TMOD3: variants seen among roughly 807,000 people sequenced by gnomAD.
The protein encoded by TMOD3 is tropomodulin-3.
A neutral mutation model predicts 39.2 loss-of-function variants in TMOD3; 20 were observed. That is an observed-to-expected ratio of 0.51 (90% CI 0.36 to 0.74). The LOEUF (loss-of-function observed/expected upper bound fraction) is 0.74, where lower values mean the gene tolerates loss of function less well. Among genes scored for constraint, TMOD3 ranks in the 30% least tolerant of loss-of-function variants. The pLI, the probability that TMOD3 is intolerant of heterozygous loss-of-function variation, is 0.00. For synonymous variants in TMOD3, 143 were observed against 145.8 expected, an observed-to-expected ratio of 0.98 and a Z score of 0.14; for missense variants, 381 against 412.8, an observed-to-expected ratio of 0.92 and a Z score of 0.67.
intron 3 of TMOD3, chr15:51,875,325 T>C (rs973850742): frequency 3.3e-5 from 5 of 152,228 alleles, no homozygotes; most frequent in African/African-American, 1.2e-4. Context: ...AAATGTCCCT[T>C]GTAGACCTCT....
At chr15:51,897,781 CA>C (rs35282838) in intron 7 of TMOD3, among the ~76,000 whole-genome samples, 45 of 111,026 alleles carry the variant, frequency 4.1e-4, no homozygotes, top group Non-Finnish European at 5.1e-4. Context: ...CCACGCCCAG[CA>C]AAAAAAAAAA....
At chr15:51,869,425 T>C (rs1171634679) in intron 3 of TMOD3, 52 bp downstream of exon 3, 11 of 1,563,400 alleles carry the variant, frequency 7.0e-6, no homozygotes, top group Non-Finnish European at 9.6e-6. Context: ...ATTTTTCTTT[T>C]TATAGGTGGG....
At chr15:51,889,566 AG>A (rs2056581993) in intron 5 of TMOD3, among the ~76,000 whole-genome samples, 2 of 152,332 alleles carry the variant, frequency 1.3e-5, no homozygotes, top group South Asian at 2.1e-4. Flanking sequence ...CCTAAAGCAA[AG>A]CTTTTCAGAA....
chr15:51,832,607 G>A (rs569451424), intron 1 of TMOD3, among the ~76,000 whole-genome samples: 6 of 152,206 alleles, frequency 3.9e-5, no homozygotes, highest in Admixed American at 3.3e-4. Flanking sequence ...TGAGGCAGGA[G>A]TACCACTTGA....
intron 1 of TMOD3, among the ~76,000 whole-genome samples, chr15:51,834,553 A>C (rs1223829540): frequency 2.0e-5 from 3 of 152,138 alleles, no homozygotes; most frequent in Non-Finnish European, 4.4e-5. Context: ...TTTCTCGGCC[A>C]GGCACAGTGG....
chr15:51,849,129 C>T (rs538748203), intron 1 of TMOD3, among the ~76,000 whole-genome samples: 8 of 152,238 alleles, frequency 5.3e-5, no homozygotes, highest in Non-Finnish European at 1.0e-4. Flanking sequence ...AAAGAGATGA[C>T]TTTTAAAGGT....
At chr15:51,898,562 C>A (rs751651356) in intron 7 of TMOD3, among the ~76,000 whole-genome samples, 14 of 152,158 alleles carry the variant, frequency 9.2e-5, no homozygotes, top group Non-Finnish European at 1.8e-4. Context: ...AAATAATAGA[C>A]CATCAGTAAT....
intron 3 of TMOD3, among the ~76,000 whole-genome samples, chr15:51,884,070 A>C (rs994705779): frequency 8.5e-5 from 13 of 152,238 alleles, no homozygotes; most frequent in Non-Finnish European, 1.9e-4. Flanking sequence ...CTGTTGCTAA[A>C]ATAAATCAAG....
At chr15:51,879,889 C>CACACACACACACAT (rs1555387141) in intron 3 of TMOD3, among the ~76,000 whole-genome samples, 1 of 150,884 alleles carries the variant, frequency 6.6e-6, no homozygotes, top group African/African-American at 2.4e-5. Flanking sequence ...CACACACACA[C>CACACACACACACAT]GAAGAAGAAA....
chr15:51,877,765 C>G (rs138268289), intron 3 of TMOD3, among the ~76,000 whole-genome samples: 38 of 152,108 alleles, frequency 2.5e-4, no homozygotes, highest in African/African-American at 9.2e-4. Flanking sequence ...TGAGGCAAGA[C>G]CCTTCTGAGT....
intron 3 of TMOD3, among the ~76,000 whole-genome samples, chr15:51,870,096 G>C (rs906568253): frequency 6.6e-6 from 1 of 152,044 alleles, no homozygotes; most frequent in African/African-American, 2.4e-5. Flanking sequence ...ACACCAGCAC[G>C]TCTGGCTAAT....
chr15:51,843,777 C>T (rs1418416876), intron 1 of TMOD3, among the ~76,000 whole-genome samples: 1 of 152,126 alleles, frequency 6.6e-6, no homozygotes, highest in African/African-American at 2.4e-5. Context: ...TGCCCTCAAT[C>T]CCAGTTTCAG....
intron 1 of TMOD3, chr15:51,860,469 G>T: frequency 1.8e-6 from 1 of 567,480 alleles, no homozygotes; most frequent in South Asian, 1.4e-5. Flanking sequence ...TGGGCCCTCT[G>T]GATGAAAGTG....
chr15:51,906,467 A>G (rs1168031640), intron 9 of TMOD3, among the ~76,000 whole-genome samples: 1 of 152,096 alleles, frequency 6.6e-6, no homozygotes, highest in Admixed American at 6.5e-5. Flanking sequence ...CCTGCTCTCC[A>G]TCTCTCCAGC....
At chr15:51,859,885 C>T (rs2056408157) in intron 1 of TMOD3, 1 of 535,722 alleles carries the variant, frequency 1.9e-6, no homozygotes. Context: ...CTGGCAGAAG[C>T]TTGAGTTCAT....
At chr15:51,841,508 T>C (rs1009918026) in intron 1 of TMOD3, among the ~76,000 whole-genome samples, 8 of 152,178 alleles carry the variant, frequency 5.3e-5, no homozygotes, top group Non-Finnish European at 1.2e-4. Context: ...AAATGTCCTT[T>C]AGCCCCCTTC....
At chr15:51,888,156 A>G (rs559444437) in intron 4 of TMOD3, among the ~76,000 whole-genome samples, 10 of 152,296 alleles carry the variant, frequency 6.6e-5, no homozygotes, top group African/African-American at 2.4e-4. Flanking sequence ...AACTTTTCTG[A>G]AGTGTATATG....
At chr15:51,887,177 C>T (rs1205944071) in intron 3 of TMOD3, among the ~76,000 whole-genome samples, 4 of 149,000 alleles carry the variant, frequency 2.7e-5, no homozygotes, top group African/African-American at 7.4e-5. Flanking sequence ...GCCAAGATCA[C>T]GCCACTACAC....
chr15:51,906,929 A>G (rs1384588805), intron 9 of TMOD3, among the ~76,000 whole-genome samples: 2 of 151,322 alleles, frequency 1.3e-5, no homozygotes, highest in African/African-American at 4.9e-5. Flanking sequence ...CTGAGGCAGG[A>G]GAATTGCTTG....
Sources: gnomAD v4.1 joint callset for allele counts (sites outside exome capture counted in the v4.1 genomes callset) on GRCh38, gnomAD v4.1.1 for gene constraint, MANE v1.5 for transcripts, NCBI Gene and HGNC (gene_info 2026-07-23, HGNC 2026-07-21) for gene names.